The following ELP4 variants were observed in gnomAD, a reference collection of about 807,000 sequenced individuals.
ELP4 encodes the protein elongator acetyltransferase complex subunit 4.
Under a neutral mutation model 48.9 loss-of-function variants are expected in ELP4, and 51 were observed. That is an observed-to-expected ratio of 1.04 (90% CI 0.83 to 1.32). The LOEUF (loss-of-function observed/expected upper bound fraction) is 1.32, where lower values mean the gene tolerates loss of function less well. Ranked by LOEUF, ELP4 falls within the 40% of genes most tolerant of loss-of-function variation. The probability of loss-of-function intolerance (pLI) is 0.00; values close to 1 mark genes in which losing one functional copy is unlikely to be tolerated. For synonymous variants in ELP4, 210 were observed against 189.2 expected (o/e 1.11, Z -0.90); for missense variants, 519 against 514.6 (o/e 1.01, Z -0.08).
In ELP4 at chr11:31,624,625, C is replaced by G. The variant is rs142344044; in HGVS notation, c.654-2485C>G. Among the ~76,000 whole-genome samples the G allele has an allele frequency of 4.0e-4, 60 of 151,682 alleles. No individual in the cohort carries two copies. In the East Asian group the frequency reaches 0.011, roughly 29 times the overall value. On this transcript the variant is annotated intron_variant, in intron 5 of 9. Coordinates refer to ENST00000640961, the MANE Select transcript of ELP4 (RefSeq NM_019040.5). The stretch of plus-strand genomic sequence containing the variant: ...CACTAAATTTACTAAAAATATTTTC[C>G]TTTCTTCAATAAGAAATTCACCTTA...
At chr11:31,620,611 G>A (rs927906750) in intron 5 of ELP4, among the ~76,000 whole-genome samples, 1 of 151,986 alleles carries the variant, frequency 6.6e-6, no homozygotes, top group Admixed American at 6.6e-5. Context: ...AGAAAGGTGA[G>A]TCATGACCCA....
chr11:31,734,045 T>C (rs1283786906), intron 9 of ELP4, among the ~76,000 whole-genome samples: 2 of 152,214 alleles, frequency 1.3e-5, no homozygotes, highest in South Asian at 2.1e-4. Context: ...ATCCCTGGGA[T>C]GCAAGGATGG....
chr11:31,643,000 A>G (rs1945129778), intron 7 of ELP4, among the ~76,000 whole-genome samples: 1 of 151,784 alleles, frequency 6.6e-6, no homozygotes, highest in African/African-American at 2.4e-5. Context: ...GGATTACAGA[A>G]CAAAGAAAGG....
chr11:31,609,743 A>G (rs915659510), intron 5 of ELP4, among the ~76,000 whole-genome samples: 1 of 152,156 alleles, frequency 6.6e-6, no homozygotes, highest in East Asian at 1.9e-4. Context: ...TCTAAATATA[A>G]GATTAAAGAT....
rs1451833013 is a variant in ELP4 at position 31,786,596 on chromosome 11, A to G, written c.*3072A>G. 2 of 225,744 alleles carry G rather than the reference A, an allele frequency of 8.9e-6. No homozygotes were observed. Among genetic ancestry groups the G allele is most frequent in the African/African-American group, 2.2e-5 (1 of 44,994 alleles). 14.0% of individuals were successfully genotyped at this position (225,744 alleles called of 1,614,324 possible). Reference sequence around the variant, plus strand: ...AGAGTAAAAAGAAATAAGCAAAAGAATATAGACACAATCCTAAGATGACAT... The same window carrying G: ...AGAGTAAAAAGAAATAAGCAAAAGAGTATAGACACAATCCTAAGATGACAT... On this transcript the variant is annotated 3_prime_UTR_variant, in exon 10 of 10. Coordinates refer to ENST00000640961, the MANE Select transcript of ELP4 (RefSeq NM_019040.5).
At chr11:31,715,341 A>G (rs186293827) in intron 9 of ELP4, among the ~76,000 whole-genome samples, 3 of 152,304 alleles carry the variant, frequency 2.0e-5, no homozygotes, top group African/African-American at 7.2e-5. Context: ...GGACACTATA[A>G]TAAATATATT....
intron 3 of ELP4, among the ~76,000 whole-genome samples, chr11:31,574,651 C>A (rs553690826): frequency 6.6e-6 from 1 of 152,208 alleles, no homozygotes; most frequent in Non-Finnish European, 1.5e-5. Flanking sequence ...ACAGCCTCCA[C>A]TGGTGATACT....
Position 31,594,911 on chromosome 11 carries a change from CA to C in ELP4, c.513+11del. ...ATTACCCAAGATGGAGGCAAGTAAACATACAAATTCTTTCCAAAATTTGCAA... is the reference window on the plus strand; with the variant it reads ...ATTACCCAAGATGGAGGCAAGTAAACTACAAATTCTTTCCAAAATTTGCAA... On this transcript the variant is annotated intron_variant, in intron 4 of 9. Transcript: ENST00000640961. 6.5e-7 allele frequency: 1 copy of C among 1,546,942 alleles called. No homozygotes were observed. Among genetic ancestry groups the C allele is most frequent in the Non-Finnish European group, 8.6e-7 (1 of 1,157,024 alleles).
intron 9 of ELP4, among the ~76,000 whole-genome samples, chr11:31,778,851 G>C (rs1232431361): frequency 1.3e-5 from 2 of 151,944 alleles, no homozygotes; most frequent in Non-Finnish European, 2.9e-5. Context: ...TTTTGTTTTT[G>C]TTTGTTTGTT....
At chr11:31,609,264 C>T (rs1232184) in intron 5 of ELP4, among the ~76,000 whole-genome samples, 54,491 of 151,958 alleles carry the variant, frequency 0.36, 11,736 homozygotes, top group East Asian at 0.63. Flanking sequence ...TGACATTTGG[C>T]ACGATCTCGT....
chr11:31,747,705 A>G (rs1195538948), intron 9 of ELP4, among the ~76,000 whole-genome samples: 3 of 152,252 alleles, frequency 2.0e-5, no homozygotes, highest in African/African-American at 7.2e-5. Flanking sequence ...CACCATGGTC[A>G]GAGAAAAGCA....
At chr11:31,522,899 T>G (rs1565034330) in intron 2 of ELP4, among the ~76,000 whole-genome samples, 1 of 151,718 alleles carries the variant, frequency 6.6e-6, no homozygotes, top group African/African-American at 2.4e-5. Context: ...TTGCTCTGTT[T>G]CCCAAGGTGG....
At position 31,650,096 on chromosome 11, in the gene ELP4, T is replaced by A; in HGVS notation, c.1037-19T>A. 1 of 1,071,220 alleles carries A rather than the reference T, an allele frequency of 9.3e-7. No individual in the cohort carries two copies. The highest frequency in any genetic ancestry group is 1.4e-5 in the South Asian group (1 of 70,662). The allele number at this position is 1,071,220 out of a possible 1,614,324, so 66.4% of individuals were successfully genotyped here. The stretch of plus-strand genomic sequence containing the variant: ...GACAATGTTTTAAATTTTTTTTCTT[T>A]TAATTTCTTTTCCACAAGGATTGAT... On this transcript the variant is annotated intron_variant, in intron 8 of 9. Coordinates refer to ENST00000640961, the MANE Select transcript of ELP4 (RefSeq NM_019040.5).
chr11:31,754,200 A>G (rs923199745), intron 9 of ELP4, among the ~76,000 whole-genome samples: 2 of 152,080 alleles, frequency 1.3e-5, no homozygotes, highest in African/African-American at 4.8e-5. Flanking sequence ...GTCTACCCAC[A>G]CTTGTTTGCC....
intron 9 of ELP4, among the ~76,000 whole-genome samples, chr11:31,757,848 G>A (rs1947863570): frequency 6.6e-6 from 1 of 152,062 alleles, no homozygotes; most frequent in South Asian, 2.1e-4. Flanking sequence ...ATAGTTTATT[G>A]TATTTCTATA....
At chr11:31,691,244 A>G (rs549952220) in intron 9 of ELP4, among the ~76,000 whole-genome samples, 1 of 152,222 alleles carries the variant, frequency 6.6e-6, no homozygotes, top group East Asian at 1.9e-4. Context: ...GGATAGTACT[A>G]TGGTAATTAA....
At chr11:31,530,729 A>C (rs951437554) in intron 2 of ELP4, among the ~76,000 whole-genome samples, 1 of 152,220 alleles carries the variant, frequency 6.6e-6, no homozygotes, top group African/African-American at 2.4e-5. Context: ...ATTTGAAGAC[A>C]GCTATCTTAT....
At chr11:31,678,237 A>G (rs1273304927) in intron 9 of ELP4, among the ~76,000 whole-genome samples, 1 of 152,102 alleles carries the variant, frequency 6.6e-6, no homozygotes, top group Non-Finnish European at 1.5e-5. Context: ...GATTGAGGCC[A>G]GGAGTTTGAG....
At chr11:31,737,935 G>T (rs925855396) in intron 9 of ELP4, among the ~76,000 whole-genome samples, 2 of 152,066 alleles carry the variant, frequency 1.3e-5, no homozygotes, top group Non-Finnish European at 2.9e-5. Context: ...TTCGACTTCT[G>T]GCTATTTATG....
Sources: gnomAD v4.1 joint callset for allele counts (sites outside exome capture counted in the v4.1 genomes callset) on GRCh38, gnomAD v4.1.1 for gene constraint, MANE v1.5 for transcripts, NCBI Gene and HGNC (gene_info 2026-07-23, HGNC 2026-07-21) for gene names.